GRM7: variants seen among roughly 807,000 people sequenced by gnomAD.
GRM7 encodes the protein glutamate metabotropic receptor 7.
In GRM7, 35 loss-of-function variants were observed where a neutral mutation model predicts 84.5. The ratio of observed to expected loss-of-function variants is 0.41; its 90% CI spans 0.32 to 0.55. The LOEUF (loss-of-function observed/expected upper bound fraction) is 0.55. Among genes scored for constraint, GRM7 ranks in the 20% least tolerant of loss-of-function variants. The probability of loss-of-function intolerance (pLI) is 0.19; values close to 1 mark genes in which losing one functional copy is unlikely to be tolerated. For synonymous variants in GRM7, 487 were observed against 455.1 expected (o/e 1.07, Z -0.89); for missense variants, 1,003 against 1,194.6 (o/e 0.84, Z 2.36).
chr3:7,005,247 G>T (rs180748396), intron 1 of GRM7, among the ~76,000 whole-genome samples: 15 of 152,312 alleles, frequency 9.8e-5, no homozygotes, highest in East Asian at 9.7e-4. Flanking sequence ...TTCTGTGAAA[G>T]CCCAGAGTCT....
intron 7 of GRM7, among the ~76,000 whole-genome samples, chr3:7,509,165 C>G (rs1028628241): frequency 2.0e-5 from 3 of 151,986 alleles, no homozygotes; most frequent in African/African-American, 2.4e-5. Flanking sequence ...GTTATCATAT[C>G]AACAAATCAC....
intron 2 of GRM7, among the ~76,000 whole-genome samples, chr3:7,195,009 C>T (rs1695833632): frequency 6.6e-6 from 1 of 152,032 alleles, no homozygotes; most frequent in Non-Finnish European, 1.5e-5. Flanking sequence ...TCCCAGAGGC[C>T]AGAACAAGGC....
chr3:7,301,330 G>A lies in GRM7; in HGVS notation c.878+2505G>A, dbSNP rs540168945. On this transcript the variant is annotated intron_variant, in intron 3 of 9. Transcript: ENST00000357716. ...CTTACAACATTATTTTCCTCACTTC[G>A]TATTTTAGGTTTCTATGAGATTTTG... is the stretch of plus-strand genomic sequence containing the variant. Among the ~76,000 whole-genome samples, 8 of 151,968 alleles carry A rather than the reference G, an allele frequency of 5.3e-5. No individual in the cohort carries two copies. In the East Asian group the frequency reaches 9.7e-4, roughly 18 times the overall value.
At chr3:7,259,846 AG>A (rs544835488) in intron 2 of GRM7, among the ~76,000 whole-genome samples, 2 of 151,844 alleles carry the variant, frequency 1.3e-5, no homozygotes, top group Non-Finnish European at 2.9e-5. Context: ...TTCTGTTTTT[AG>A]CTCTTGGAGG....
Position 7,268,455 on chromosome 3 carries a change from TA to T in GRM7, c.737-30220del, listed in dbSNP as rs1238607067. On this transcript the variant is annotated intron_variant, in intron 2 of 9. Coordinates refer to ENST00000357716, the MANE Select transcript of GRM7 (RefSeq NM_000844.4). ...TGGGTGACTGAGCAAGACCCTGTCT[TA>T]AAAAAAAAGGACACATTTATAGATC... 4.0e-5 allele frequency among the ~76,000 whole-genome samples: 6 copies of T among 150,708 alleles called. 1 individual carries two copies. In the South Asian group the frequency reaches 8.4e-4, roughly 21 times the overall value.
chr3:6,866,762 T>C (rs1222787875), intron 1 of GRM7, among the ~76,000 whole-genome samples: 1 of 152,186 alleles, frequency 6.6e-6, no homozygotes, highest in East Asian at 1.9e-4. Context: ...AACTGAGAAA[T>C]GATGACATCC....
rs57940441 is a variant in GRM7, at chr3:7,549,763, C to T, written c.1516-28659C>T. 5.8e-3 allele frequency among the ~76,000 whole-genome samples: 880 copies of T among 152,252 alleles called. 1 individual carries two copies. The highest frequency in any genetic ancestry group is 0.02 in the African/African-American group (828 of 41,548). On this transcript the variant is annotated intron_variant, in intron 7 of 9. Transcript: ENST00000357716. ...CAGTGAGGCCAGAAGATTTTGAAAT[C>T]GCTTGTGAAAATACGAGAAGACAAA...
chr3:7,487,823 C>A (rs1259925448), intron 7 of GRM7, among the ~76,000 whole-genome samples: 1 of 152,190 alleles, frequency 6.6e-6, no homozygotes, highest in Non-Finnish European at 1.5e-5. Flanking sequence ...AGGCTGAAGC[C>A]AGAGTCACCC....
At chr3:7,135,566 A>G (rs1445625138) in intron 1 of GRM7, among the ~76,000 whole-genome samples, 1 of 152,164 alleles carries the variant, frequency 6.6e-6, no homozygotes, top group East Asian at 1.9e-4. Flanking sequence ...CAAATCCCCC[A>G]GGAACAAATG....
chr3:7,313,588 T>A (rs934806985), intron 4 of GRM7, among the ~76,000 whole-genome samples: 4 of 152,148 alleles, frequency 2.6e-5, no homozygotes, highest in African/African-American at 4.8e-5. Flanking sequence ...ATCTGTTGAA[T>A]AAATGGGCCT....
rs375898513 is a variant in GRM7, at chr3:7,421,641, C to A, written c.1174+6478C>A. ...CATGAATCCATCTTCAGGAATGCAC[C>A]TTGTCCATTCCTGCCCTTAGTAGTG... On this transcript the variant is annotated intron_variant, in intron 5 of 9. Transcript: ENST00000357716. Among the ~76,000 whole-genome samples, 131 of 151,932 alleles carry A rather than the reference C, an allele frequency of 8.6e-4. 5 individuals carry two copies. In the South Asian group the frequency reaches 0.026, roughly 30 times the overall value.
At chr3:7,209,201 G>A (rs923946149) in intron 2 of GRM7, among the ~76,000 whole-genome samples, 2 of 152,148 alleles carry the variant, frequency 1.3e-5, no homozygotes, top group African/African-American at 4.8e-5. Flanking sequence ...AGTGGTTTTA[G>A]GGTGACTCAA....
chr3:7,589,982 T>G (rs1046732280), intron 8 of GRM7, among the ~76,000 whole-genome samples: 2 of 152,218 alleles, frequency 1.3e-5, no homozygotes, highest in African/African-American at 2.4e-5. Context: ...GACTAGTAGA[T>G]GTACTGAAAC....
intron 1 of GRM7, among the ~76,000 whole-genome samples, chr3:6,998,006 C>T (rs1694880829): frequency 6.7e-6 from 1 of 150,230 alleles, no homozygotes; most frequent in Non-Finnish European, 1.5e-5. Context: ...GTAATACCAG[C>T]TACTTGGGAG....
chr3:7,284,166 T>C (rs893338860), intron 2 of GRM7, among the ~76,000 whole-genome samples: 2 of 152,142 alleles, frequency 1.3e-5, no homozygotes, highest in Non-Finnish European at 2.9e-5. Flanking sequence ...TTTAATTAGC[T>C]AAGTAGAAAT....
At chr3:7,282,498 T>G (rs556405657) in intron 2 of GRM7, among the ~76,000 whole-genome samples, 3 of 152,190 alleles carry the variant, frequency 2.0e-5, no homozygotes, top group Non-Finnish European at 2.9e-5. Flanking sequence ...ACACTTGTCA[T>G]CACTAGATCA....
chr3:7,534,042 TCTCA>T (rs1701147660), intron 7 of GRM7, among the ~76,000 whole-genome samples: 2 of 146,838 alleles, frequency 1.4e-5, no homozygotes, highest in Admixed American at 6.9e-5. Flanking sequence ...TGAGATGGAA[TCTCA>T]CTCTTTTACC....
rs1042118071 is a variant in GRM7 at position 6,976,114 on chromosome 3, G to T, written c.519+114207G>T. Among the ~76,000 whole-genome samples, 5 of 152,018 alleles carry T rather than the reference G, an allele frequency of 3.3e-5. No individual in the cohort carries two copies. The East Asian group carries it at 9.6e-4, about 29-fold the overall frequency. ...GGTTTATTTACCCTCCCCACACCTG[G>T]CCCACTTCATTCATTTTGGTCACCA... On this transcript the variant is annotated intron_variant, in intron 1 of 9. Transcript: ENST00000357716.
At chr3:7,699,584 T>C (rs886703626) in intron 9 of GRM7, among the ~76,000 whole-genome samples, 4 of 152,216 alleles carry the variant, frequency 2.6e-5, no homozygotes. Flanking sequence ...GATCTAATCA[T>C]AAAATTCATC....
Sources: allele counts gnomAD v4.1 joint callset (sites outside exome capture counted in the v4.1 genomes callset), GRCh38; gene constraint gnomAD v4.1.1; transcripts MANE v1.5; gene names NCBI Gene and HGNC (gene_info 2026-07-23, HGNC 2026-07-21).